The following DMD variants were observed in gnomAD, a reference collection of about 807,000 sequenced individuals.
The protein encoded by DMD is mutant dystrophin.
Under a neutral mutation model 330.1 loss-of-function variants are expected in DMD, and 63 were observed. The observed-to-expected ratio is 0.19, with a 90% CI of 0.16 to 0.24. The LOEUF (loss-of-function observed/expected upper bound fraction) is 0.24, where lower values mean the gene tolerates loss of function less well. DMD is among the 10% of genes least tolerant of loss of function. The pLI is 1.00. For missense variants in DMD, 3,344 were observed against 2,684.1 expected, an observed-to-expected ratio of 1.25 and a Z score of -5.43; for synonymous variants, 1,223 against 959.8, an observed-to-expected ratio of 1.27 and a Z score of -5.07.
intron 43 of DMD, among the ~76,000 whole-genome samples, chrX:32,285,438 TAG>T (rs1460097312): frequency 8.9e-6 from 1 of 112,088 alleles, no homozygotes; most frequent in African/African-American, 3.2e-5. Context: ...TAATTTATTT[TAG>T]AGAGAGTCTG....
At chrX:31,680,646 G>C (rs2082330238) in intron 52 of DMD, among the ~76,000 whole-genome samples, 1 of 110,215 alleles carries the variant, frequency 9.1e-6, no homozygotes, top group Non-Finnish European at 1.9e-5. Flanking sequence ...CCAAAGTGCT[G>C]GGATTACAGG....
chrX:33,047,903 A>G (rs1257641205), intron 1 of DMD, among the ~76,000 whole-genome samples: 3 of 111,982 alleles, frequency 2.7e-5, no homozygotes, highest in Non-Finnish European at 5.6e-5. Flanking sequence ...AGGCATTTTG[A>G]TGAAGCGATG....
chrX:33,054,364 C>A (rs2094494401), intron 1 of DMD, among the ~76,000 whole-genome samples: 1 of 111,669 alleles, frequency 9.0e-6, no homozygotes, highest in Non-Finnish European at 1.9e-5. Flanking sequence ...GATGGTATAA[C>A]AACAAAAAAT....
At chrX:31,334,452 C>T (rs779798973) in intron 61 of DMD, among the ~76,000 whole-genome samples, 1 of 111,692 alleles carries the variant, frequency 9.0e-6, no homozygotes, top group South Asian at 3.8e-4. Flanking sequence ...CATCTCCTTT[C>T]TCTCACTGTG....
intron 7 of DMD, among the ~76,000 whole-genome samples, chrX:32,790,779 C>T (rs1603423242): frequency 9.0e-6 from 1 of 111,623 alleles, no homozygotes; most frequent in East Asian, 2.8e-4. Context: ...GACGCACAGG[C>T]TACCCAGGCA....
chrX:33,170,335 C>T (rs2049273956), intron 1 of DMD, among the ~76,000 whole-genome samples: 1 of 102,025 alleles, frequency 9.8e-6, no homozygotes, highest in Non-Finnish European at 1.9e-5. Context: ...GATTCAAATG[C>T]TTGGACAGAC....
Position 32,387,253 on chromosome X carries a change from C to G in DMD, c.4519-788G>C, listed in dbSNP as rs186059267. On this transcript the variant is annotated intron_variant, in intron 32 of 78. Coordinates refer to ENST00000357033, the MANE Select transcript of DMD (RefSeq NM_004006.3). ...GCTATGTTCACAATTATACCACCAA[C>G]ACCACTCCAACACCACTTGATGTCT... Among the ~76,000 whole-genome samples the G allele has an allele frequency of 2.2e-3, 244 of 111,107 alleles. 1 individual carries two copies. The highest frequency in any genetic ancestry group is 7.4e-3 in the African/African-American group (229 of 30,765).
At chrX:31,640,292 C>T (rs971568489) in intron 54 of DMD, among the ~76,000 whole-genome samples, 3 of 112,409 alleles carry the variant, frequency 2.7e-5, no homozygotes, top group Non-Finnish European at 3.8e-5. Context: ...AATACGTTTA[C>T]ATTTACAATT....
intron 41 of DMD, among the ~76,000 whole-genome samples, chrX:32,336,523 C>G (rs1423787347): frequency 8.9e-6 from 1 of 111,901 alleles, no homozygotes; most frequent in Admixed American, 9.5e-5. Context: ...TACCACCTCA[C>G]TTTTATGTTC....
chrX:32,731,763 C>T (rs1335873950), intron 7 of DMD, among the ~76,000 whole-genome samples: 4 of 112,060 alleles, frequency 3.6e-5, no homozygotes, highest in Admixed American at 9.4e-5. Context: ...CCCATCTGGA[C>T]GTCACCATCA....
chrX:32,782,089 T>G (rs1170731162), intron 7 of DMD, among the ~76,000 whole-genome samples: 2 of 111,842 alleles, frequency 1.8e-5, no homozygotes, highest in African/African-American at 6.5e-5. Context: ...AAACCAATTT[T>G]GAATACAATC....
chrX:31,267,941 C>G (rs2051308696), intron 62 of DMD, among the ~76,000 whole-genome samples: 1 of 112,429 alleles, frequency 8.9e-6, no homozygotes, highest in Non-Finnish European at 1.9e-5. Context: ...CCTTCTTTGT[C>G]CATTTATTTT....
At chrX:32,332,295 G>A (rs947376165) in intron 41 of DMD, among the ~76,000 whole-genome samples, 1 of 110,330 alleles carries the variant, frequency 9.1e-6, no homozygotes, top group African/African-American at 3.3e-5. Context: ...TTGTTGGGTT[G>A]GAGCTCTACT....
chrX:33,246,183 C>G (rs1212878143), intron 1 of DMD, among the ~76,000 whole-genome samples: 2 of 111,874 alleles, frequency 1.8e-5, no homozygotes, highest in Non-Finnish European at 1.9e-5. Flanking sequence ...TTTCACTGAT[C>G]AAATGTCCTG....
chrX:32,919,184 C>A (rs963855206), intron 2 of DMD, among the ~76,000 whole-genome samples: 1 of 111,876 alleles, frequency 8.9e-6, no homozygotes, highest in Non-Finnish European at 1.9e-5. Flanking sequence ...ATGACTAAGT[C>A]TGAGAGCAGT....
At chrX:32,216,587 T>G (rs2097112945) in intron 44 of DMD, among the ~76,000 whole-genome samples, 1 of 111,468 alleles carries the variant, frequency 9.0e-6, no homozygotes, top group South Asian at 3.7e-4. Flanking sequence ...CTGGAAAGGT[T>G]CCAACATAAA....
At chrX:32,651,897 A>C (rs1211465956) in intron 9 of DMD, among the ~76,000 whole-genome samples, 1 of 112,274 alleles carries the variant, frequency 8.9e-6, no homozygotes, top group Non-Finnish European at 1.9e-5. Context: ...GCATGTGTCA[A>C]GTCCACCATT....
At chrX:32,014,293 C>T (rs5972475) in intron 44 of DMD, among the ~76,000 whole-genome samples, 9,042 of 105,963 alleles carry the variant, frequency 0.085, 401 homozygotes, top group East Asian at 0.19. Flanking sequence ...TTCACACAGG[C>T]CTTTTTCCCT....
chrX:32,530,469 C>G (rs1242747066), intron 17 of DMD, among the ~76,000 whole-genome samples: 3 of 112,230 alleles, frequency 2.7e-5, no homozygotes, highest in African/African-American at 9.7e-5. Flanking sequence ...GGTATTAAAT[C>G]TTAATCATTT....
Sources: allele counts gnomAD v4.1 joint callset (sites outside exome capture counted in the v4.1 genomes callset), GRCh38; gene constraint gnomAD v4.1.1; transcripts MANE v1.5; gene names NCBI Gene and HGNC (gene_info 2026-07-23, HGNC 2026-07-21).